The following NKAIN2 variants were observed in gnomAD, a reference collection of about 807,000 sequenced individuals.
NKAIN2 encodes the protein sodium/potassium transporting ATPase interacting 2.
Under a neutral mutation model 32.6 loss-of-function variants are expected in NKAIN2, and 14 were observed. The ratio of observed to expected loss-of-function variants is 0.43; its 90% CI spans 0.28 to 0.67. The LOEUF (loss-of-function observed/expected upper bound fraction) is 0.67, where lower values mean the gene tolerates loss of function less well. Among genes scored for constraint, NKAIN2 ranks in the 30% least tolerant of loss-of-function variants. NKAIN2 has a pLI of 0.17. For synonymous variants in NKAIN2, 80 were observed against 87.2 expected, an observed-to-expected ratio of 0.92 and a Z score of 0.46; for missense variants, 198 against 258.3, an observed-to-expected ratio of 0.77 and a Z score of 1.60.
At chr6:124,322,497 A>G (rs1006258502) in intron 2 of NKAIN2, among the ~76,000 whole-genome samples, 2 of 152,180 alleles carry the variant, frequency 1.3e-5, no homozygotes, top group African/African-American at 4.8e-5. Context: ...CCACCATGAT[A>G]AAAATATTTG....
intron 3 of NKAIN2, among the ~76,000 whole-genome samples, chr6:124,474,834 A>G (rs1777121573): frequency 6.9e-6 from 1 of 145,720 alleles, no homozygotes; most frequent in African/African-American, 2.6e-5. Context: ...TATATTTTAC[A>G]TACATATATA....
chr6:124,802,406 A>G (rs1780300561), intron 5 of NKAIN2, among the ~76,000 whole-genome samples: 1 of 152,202 alleles, frequency 6.6e-6, no homozygotes, highest in Non-Finnish European at 1.5e-5. Context: ...AGCAATTCTA[A>G]CAGGGGAGAA....
chr6:124,567,078 C>T (rs1562260671), intron 3 of NKAIN2, among the ~76,000 whole-genome samples: 1 of 152,186 alleles, frequency 6.6e-6, no homozygotes, highest in African/African-American at 2.4e-5. Flanking sequence ...AATTGAATGT[C>T]TCTTCTTGGG....
rs147052017 is a variant in NKAIN2 at position 124,441,913 on chromosome 6, G to A, written c.273+86566G>A. On this transcript the variant is annotated intron_variant, in intron 3 of 6. Transcript: ENST00000368417. ...TGCTAAGTATTTTCTATTCTAGCAG[G>A]TTGAATAGTTGATGAGGGCAGTAAC... Among the ~76,000 whole-genome samples the A allele has an allele frequency of 4.5e-3, 689 of 152,012 alleles. 1 individual carries two copies. Among genetic ancestry groups the A allele is most frequent in the Non-Finnish European group, 6.4e-3 (437 of 67,980 alleles).
intron 4 of NKAIN2, among the ~76,000 whole-genome samples, chr6:124,758,783 A>T (rs567115543): frequency 2.6e-5 from 4 of 152,262 alleles, no homozygotes; most frequent in African/African-American, 9.6e-5. Flanking sequence ...TCAGCCCAGA[A>T]TTCAAAGCCT....
chr6:123,847,892 C>G (rs1052475352), intron 1 of NKAIN2, among the ~76,000 whole-genome samples: 1 of 152,206 alleles, frequency 6.6e-6, no homozygotes, highest in South Asian at 2.1e-4. Context: ...CTTTAAATCT[C>G]TCCTTGGGAT....
At chr6:124,688,278 C>T (rs1774086660) in intron 4 of NKAIN2, among the ~76,000 whole-genome samples, 1 of 151,886 alleles carries the variant, frequency 6.6e-6, no homozygotes, top group African/African-American at 2.4e-5. Context: ...CTTTTTGAGC[C>T]ATTCCTTTTT....
rs545393601 is a variant in NKAIN2, at chr6:123,997,597, CT to C, written c.54+193367del. On this transcript the variant is annotated intron_variant, in intron 1 of 6. Transcript: ENST00000368417. The stretch of plus-strand genomic sequence containing the variant: ...GAATTATCACTAACTGGAGTTTATT[CT>C]TTTTTTTTTTTTTTTTTTTTTTTGA... 9.3e-3 allele frequency among the ~76,000 whole-genome samples: 909 copies of C among 98,132 alleles called. 8 individuals are homozygous for C. Among genetic ancestry groups the C allele is most frequent in the African/African-American group, 0.03 (764 of 25,224 alleles). 64.4% of individuals were successfully genotyped at this position (98,132 alleles called of 152,430 possible).
At chr6:124,701,328 A>G (rs865863648) in intron 4 of NKAIN2, among the ~76,000 whole-genome samples, 10 of 152,212 alleles carry the variant, frequency 6.6e-5, no homozygotes, top group South Asian at 2.1e-4. Context: ...CTTAAGGACA[A>G]TTAATTAATG....
intron 3 of NKAIN2, among the ~76,000 whole-genome samples, chr6:124,573,612 CCT>C (rs1338559087): frequency 1.3e-5 from 2 of 152,140 alleles, no homozygotes; most frequent in East Asian, 3.9e-4. Flanking sequence ...CTTTTTACAG[CCT>C]CACATTAAAT....
At chr6:123,878,851 T>G (rs1252584483) in intron 1 of NKAIN2, among the ~76,000 whole-genome samples, 1 of 152,078 alleles carries the variant, frequency 6.6e-6, no homozygotes, top group African/African-American at 2.4e-5. Context: ...CCTGCACCAC[T>G]CATAGCCTTG....
chr6:124,482,504 A>G (rs1856034), intron 3 of NKAIN2, among the ~76,000 whole-genome samples: 69,441 of 151,838 alleles, frequency 0.46, 16,709 homozygotes, highest in South Asian at 0.62. Context: ...GTGTGTGTGT[A>G]TACTTGGGAA....
At chr6:124,598,954 C>T (rs966910094) in intron 3 of NKAIN2, among the ~76,000 whole-genome samples, 2 of 151,846 alleles carry the variant, frequency 1.3e-5, no homozygotes, top group Non-Finnish European at 2.9e-5. Flanking sequence ...TCAAATATTT[C>T]ATCACTTTAA....
At chr6:124,021,505 T>G (rs1480576065) in intron 1 of NKAIN2, among the ~76,000 whole-genome samples, 4 of 152,014 alleles carry the variant, frequency 2.6e-5, no homozygotes, top group Non-Finnish European at 5.9e-5. Flanking sequence ...TATTTTAGTA[T>G]TATATTACTC....
chr6:124,137,812 A>C (rs1406423711), intron 1 of NKAIN2, among the ~76,000 whole-genome samples: 1 of 152,176 alleles, frequency 6.6e-6, no homozygotes, highest in Non-Finnish European at 1.5e-5. Context: ...GGCAAGCCAT[A>C]TGTAGAAGAA....
chr6:124,380,676 T>G (rs1315625024), intron 3 of NKAIN2, among the ~76,000 whole-genome samples: 2 of 152,328 alleles, frequency 1.3e-5, no homozygotes, highest in East Asian at 3.9e-4. Context: ...CAGAAGTATT[T>G]GTCTAATGAC....
At chr6:123,912,041 G>A (rs879797512) in intron 1 of NKAIN2, among the ~76,000 whole-genome samples, 8 of 151,324 alleles carry the variant, frequency 5.3e-5, no homozygotes, top group Non-Finnish European at 1.0e-4. Context: ...CTGGAATAAT[G>A]GCAGCTCAAT....
intron 1 of NKAIN2, among the ~76,000 whole-genome samples, chr6:124,272,699 C>A (rs1454806328): frequency 6.6e-6 from 1 of 152,166 alleles, no homozygotes; most frequent in Non-Finnish European, 1.5e-5. Flanking sequence ...ACAGCTTGCA[C>A]CATGCACCTG....
chr6:123,906,777 T>C (rs1469557967), intron 1 of NKAIN2, among the ~76,000 whole-genome samples: 1 of 152,224 alleles, frequency 6.6e-6, no homozygotes, highest in African/African-American at 2.4e-5. Context: ...TATCTGATGT[T>C]AAAGTTGTCC....
Sources: allele counts gnomAD v4.1 joint callset (sites outside exome capture counted in the v4.1 genomes callset), GRCh38; gene constraint gnomAD v4.1.1; transcripts MANE v1.5; gene names NCBI Gene and HGNC (gene_info 2026-07-23, HGNC 2026-07-21).